SLC28A2: variants seen among roughly 807,000 people sequenced by gnomAD.
SLC28A2 encodes the protein sodium/nucleoside cotransporter 2.
Under a neutral mutation model 72.9 loss-of-function variants are expected in SLC28A2, and 69 were observed. The observed-to-expected ratio is 0.95, with a 90% CI of 0.78 to 1.16. SLC28A2 has a LOEUF of 1.16. Among genes scored for constraint, SLC28A2 ranks in the 50% most tolerant of loss-of-function variants. The probability of loss-of-function intolerance (pLI) is 0.00; values close to 1 mark genes in which losing one functional copy is unlikely to be tolerated. For synonymous variants in SLC28A2, 296 were observed against 294.1 expected (o/e 1.01, Z -0.07); for missense variants, 745 against 791.1 (o/e 0.94, Z 0.70).
intron 4 of SLC28A2, 113 bp downstream of exon 4, chr15:45,262,219 C>A: frequency 1.4e-6 from 1 of 702,516 alleles, no homozygotes; most frequent in South Asian, 1.7e-5. Flanking sequence ...ATCTAAAAAG[C>A]TATTTGATGT....
intron 5 of SLC28A2, 149 bp downstream of exon 5, chr15:45,263,393 C>G: frequency 1.4e-6 from 1 of 709,550 alleles, no homozygotes; most frequent in Admixed American, 3.1e-5. Context: ...GGCCTCTGAG[C>G]ACAGGACCTC....
chr15:45,270,091 T>G, intron 14 of SLC28A2, 104 bp from the exon 15 acceptor site: 1 of 763,148 alleles, frequency 1.3e-6, no homozygotes, highest in Non-Finnish European at 2.3e-6. Flanking sequence ...TGGGAAACCA[T>G]GGAAAAGACT....
At position 45,265,764 on chromosome 15, in the gene SLC28A2, A is replaced by G. The variant is rs1331972680; in HGVS notation, c.861+101A>G. The G allele has an allele frequency of 7.1e-6, 6 of 850,258 alleles. No homozygotes were observed. The African/African-American group carries it at 9.9e-5, about 14-fold the overall frequency. 52.7% of individuals were successfully genotyped at this position (850,258 alleles called of 1,614,324 possible). A position where few individuals can be genotyped will look rare whatever the true frequency, so the allele number is the denominator to read the frequency against. On this transcript the variant is annotated intron_variant, in intron 9 of 17. Coordinates refer to ENST00000347644, the MANE Select transcript of SLC28A2 (RefSeq NM_004212.4). Reference sequence around the variant, plus strand: ...GCTAAGGTCTAGAGTGTTAGAAACAATGGGAAAAGGCAGGCCCTCTCAAGC... The same window carrying G: ...GCTAAGGTCTAGAGTGTTAGAAACAGTGGGAAAAGGCAGGCCCTCTCAAGC...
chr15:45,265,662 A>G lies in SLC28A2; in HGVS notation c.860A>G (p.Lys287Arg), dbSNP rs1229656237. The G allele has an allele frequency of 5.0e-6, 8 of 1,605,614 alleles. No individual in the cohort carries two copies. The highest frequency in any genetic ancestry group is 6.8e-6 in the Non-Finnish European group (8 of 1,172,240). The change falls in exon 9 of 18, where the codon AAG becomes AGG. Residue 287 changes from lysine (K) to arginine (R), a missense_variant and splice_region_variant. Lys to Arg is a conservative substitution (Grantham distance 26). Transcript: ENST00000347644. ...GGCCTTGTGCAATGGGTAGTTCAGA[A>G]GGTGAGTCGTTCTCTTACACCAGTC... ...YLGLVQWVVQ[K>R]VAWFLQITMG... is the part of the protein sequence containing the mutation.
rs1347017389 is a variant in SLC28A2 at position 45,263,989 on chromosome 15, T to C, written c.555T>C (p.Leu185=). 2.5e-6 allele frequency: 4 copies of C among 1,613,516 alleles called. No homozygotes were observed. The highest frequency in any genetic ancestry group is 1.7e-5 in the Admixed American group (1 of 59,988). ...IPFAGICMFI[L]ILFACSKHHS... ...TTGCAGGAATCTGCATGTTCATCCT[T>C]ATCCTCTTTGCCTGCTCCAAACACC... Residue 185 remains leucine, a synonymous_variant, in exon 6 of 18, where the codon CTT becomes CTC. Transcript: ENST00000347644.
intron 7 of SLC28A2, 122 bp from the exon 8 acceptor site, chr15:45,264,966 CA>C: frequency 1.2e-6 from 1 of 841,016 alleles, no homozygotes. Flanking sequence ...CCTGGGCTGT[CA>C]AAGGGAGGCC....
chr15:45,275,792 G>A lies in SLC28A2; in HGVS notation c.*279G>A, dbSNP rs992737566. 1.8e-5 allele frequency: 4 copies of A among 223,736 alleles called. No homozygotes were observed. Among genetic ancestry groups the A allele is most frequent in the Admixed American group, 5.4e-5 (1 of 18,644 alleles). 13.9% of individuals were successfully genotyped at this position (223,736 alleles called of 1,614,324 possible). A position where few individuals can be genotyped will look rare whatever the true frequency, so the allele number is the denominator to read the frequency against. ...CTACTAAAAATACAAAAAATTAGCC[G>A]GGAGTGGTGTCGGGCGACTGTAGTC... On this transcript the variant is annotated 3_prime_UTR_variant, in exon 18 of 18. Transcript: ENST00000347644.
At position 45,253,284 on chromosome 15, in the gene SLC28A2, G is replaced by A. The variant is rs1389864235; in HGVS notation, c.69G>A (p.Gly23=). 3 of 1,612,380 alleles carry A rather than the reference G, an allele frequency of 1.9e-6. No individual in the cohort carries two copies. Among genetic ancestry groups the A allele is most frequent in the African/African-American group, 2.7e-5 (2 of 74,906 alleles). The change falls in exon 2 of 18, where the codon GGG becomes GGA. Residue 23 remains glycine, a synonymous_variant. Transcript: ENST00000347644. ...STVETGTVNP[G]LELMEKEVEP... Reference sequence around the variant, plus strand: ...TGGAGACTGGCACAGTGAACCCGGGGCTGGAGCTCATGGTAATCACCAGTT... The same window carrying A: ...TGGAGACTGGCACAGTGAACCCGGGACTGGAGCTCATGGTAATCACCAGTT...
At chr15:45,259,986 C>T (rs532104427) in intron 3 of SLC28A2, among the ~76,000 whole-genome samples, 18 of 152,162 alleles carry the variant, frequency 1.2e-4, no homozygotes, top group African/African-American at 3.6e-4. Context: ...TCTAGTACAT[C>T]GGTTTAGGTC....
chr15:45,253,225 G>T lies in SLC28A2; in HGVS notation c.10G>T (p.Ala4Ser), dbSNP rs778480900. 6.2e-7 allele frequency: 1 copy of T among 1,612,700 alleles called. No individual in the cohort carries two copies. The highest frequency in any genetic ancestry group is 8.5e-7 in the Non-Finnish European group (1 of 1,178,962). ...TTGAGGAGAACAGGAGATGGAGAAA[G>T]CAAGTGGAAGACAGTCCATTGCTCT... MEK[A>S]SGRQSIALST... The change falls in exon 2 of 18, where the codon GCA becomes TCA. Residue 4 changes from alanine to serine, a missense_variant. Physicochemically the swap from Ala to Ser is moderately conservative, Grantham distance 99. Coordinates refer to ENST00000347644, the MANE Select transcript of SLC28A2 (RefSeq NM_004212.4).
intron 9 of SLC28A2, 60 bp from the exon 10 acceptor site, chr15:45,266,021 G>A (rs1900322569): frequency 8.2e-7 from 1 of 1,213,202 alleles, no homozygotes; most frequent in South Asian, 1.2e-5. Context: ...GAGGAGTTTT[G>A]CGAGATGTTC....
intron 3 of SLC28A2, among the ~76,000 whole-genome samples, chr15:45,261,433 G>A (rs1900157658): frequency 6.6e-6 from 1 of 152,210 alleles, no homozygotes; most frequent in Non-Finnish European, 1.5e-5. Context: ...GTTAGTATTT[G>A]CTAAGTTCTT....
chr15:45,256,882 T>C (rs1899995145), intron 3 of SLC28A2, among the ~76,000 whole-genome samples: 2 of 152,146 alleles, frequency 1.3e-5, no homozygotes, highest in South Asian at 4.2e-4. Context: ...AACTCCCTTA[T>C]ATCACAAACC....
At position 45,275,595 on chromosome 15, in the gene SLC28A2, C is replaced by A; in HGVS notation, c.*82C>A. The A allele has an allele frequency of 5.0e-6, 4 of 799,334 alleles. No individual in the cohort carries two copies. The highest frequency in any genetic ancestry group is 6.4e-6 in the Non-Finnish European group (3 of 467,742). 49.5% of individuals were successfully genotyped at this position (799,334 alleles called of 1,614,324 possible). ...GGTGTTTATGTACTCAGGGTGCCCACAACTCACTCACCAAGATGTTTAACA... is the reference window on the plus strand; with the variant it reads ...GGTGTTTATGTACTCAGGGTGCCCAAAACTCACTCACCAAGATGTTTAACA... On this transcript the variant is annotated 3_prime_UTR_variant, in exon 18 of 18. Coordinates refer to ENST00000347644, the MANE Select transcript of SLC28A2 (RefSeq NM_004212.4).
At chr15:45,256,021 G>C in intron 3 of SLC28A2, 1 of 152,044 alleles carries the variant, frequency 6.6e-6, no homozygotes, top group East Asian at 1.9e-4. Flanking sequence ...AATAATATTA[G>C]TACTTAGCTG....
chr15:45,267,384 G>A, intron 10 of SLC28A2, 71 bp from the exon 11 acceptor site: 1 of 1,573,976 alleles, frequency 6.4e-7, no homozygotes, highest in Non-Finnish European at 8.7e-7. Flanking sequence ...CAGCCCCTGG[G>A]GCTGGGGTGG....
chr15:45,264,466 G>A (rs1048406085), intron 6 of SLC28A2, among the ~76,000 whole-genome samples, 189 bp from the exon 7 acceptor site: 2 of 152,112 alleles, frequency 1.3e-5, no homozygotes, highest in African/African-American at 4.8e-5. Context: ...AAAACCTTAT[G>A]AACATATGTG....
intron 3 of SLC28A2, 106 bp downstream of exon 3, chr15:45,253,626 C>A: frequency 1.6e-6 from 1 of 641,506 alleles, no homozygotes; most frequent in Non-Finnish European, 2.8e-6. Context: ...ACCATGTGTA[C>A]ATATATATAT....
intron 13 of SLC28A2, 50 bp downstream of exon 13, chr15:45,268,428 C>A (rs773384281): frequency 1.4e-6 from 2 of 1,477,342 alleles, no homozygotes; most frequent in South Asian, 1.3e-5. Flanking sequence ...GGTTAGGTAG[C>A]CCTTCAAACA....
Sources: gnomAD v4.1 joint callset for allele counts (sites outside exome capture counted in the v4.1 genomes callset) on GRCh38, gnomAD v4.1.1 for gene constraint, MANE v1.5 for transcripts, NCBI Gene and HGNC (gene_info 2026-07-23, HGNC 2026-07-21) for gene names.